Variants in PRKACA observed in about 807,000 individuals in gnomAD.
PRKACA encodes cAMP-dependent protein kinase catalytic subunit alpha.
Under a neutral mutation model 45.8 loss-of-function variants are expected in PRKACA, and 9 were observed. The observed-to-expected ratio is 0.20, with a 90% CI of 0.12 to 0.34. The LOEUF (loss-of-function observed/expected upper bound fraction) is 0.34. Ranked by LOEUF, PRKACA falls within the 10% of genes least tolerant of loss-of-function variation. The pLI, the probability that PRKACA is intolerant of heterozygous loss-of-function variation, is 1.00. For synonymous variants in PRKACA, 160 were observed against 178.6 expected, an observed-to-expected ratio of 0.90 and a Z score of 0.83; for missense variants, 238 against 458.6, an observed-to-expected ratio of 0.52 and a Z score of 4.39.
At chr19:14,108,272 C>T in intron 1 of PRKACA, 1 of 508,106 alleles carries the variant, frequency 2.0e-6, no homozygotes, top group Non-Finnish European at 2.5e-6. Flanking sequence ...CAGTTTTCCT[C>T]ATCTGTAAAG....
rs60082323 is a variant in PRKACA at position 14,096,032 on chromosome 19, G to GTTTT, written c.765+1325_765+1328dup. Among the ~76,000 whole-genome samples, 66 of 92,568 alleles carry GTTTT rather than the reference G, an allele frequency of 7.1e-4. 1 individual carries two copies. Among genetic ancestry groups the GTTTT allele is most frequent in the African/African-American group, 1.8e-3 (40 of 22,200 alleles). 60.7% of individuals were successfully genotyped at this position (92,568 alleles called of 152,430 possible). On this transcript the variant is annotated intron_variant, in intron 8 of 9. Transcript: ENST00000308677. ...CACCATCACGCCCAGCTAATTTTTA[G>GTTTT]TTTTTTTTTTTTTTTTTTTTTTTTG...
intron 4 of PRKACA, 95 bp downstream of exon 4, chr19:14,102,721 G>T: frequency 2.0e-6 from 2 of 1,017,828 alleles, no homozygotes; most frequent in Non-Finnish European, 1.5e-6. Flanking sequence ...AAAGAGAGCA[G>T]CCACTGATTG....
chr19:14,094,824 T>G (rs1977197126), intron 8 of PRKACA, among the ~76,000 whole-genome samples: 1 of 152,256 alleles, frequency 6.6e-6, no homozygotes, highest in South Asian at 2.1e-4. Context: ...TTCCGTTCTT[T>G]AAAGCCCAGC....
intron 4 of PRKACA, among the ~76,000 whole-genome samples, chr19:14,102,146 AGAGT>A (rs1469882333): frequency 5.3e-5 from 8 of 152,234 alleles, no homozygotes; most frequent in African/African-American, 1.9e-4. Flanking sequence ...CCTGAGCAAC[AGAGT>A]GAGACTCTGT....
rs143493866 is a variant in PRKACA at position 14,115,181 on chromosome 19, G to C, written c.46+2321C>G. The C allele has an allele frequency of 7.8e-6, 7 of 902,684 alleles. No individual in the cohort carries two copies. In the African/African-American group the frequency reaches 1.1e-4, roughly 14 times the overall value. 55.9% of individuals were successfully genotyped at this position (902,684 alleles called of 1,614,324 possible). ...TAGTCCCATTGGCAGAACATGACAT[G>C]ATTTTCGGGATGTTTCATTTATCTA... On this transcript the variant is annotated intron_variant, in intron 1 of 9. Transcript: ENST00000308677.
intron 3 of PRKACA, among the ~76,000 whole-genome samples, chr19:14,103,944 C>A (rs1977522018): frequency 6.6e-6 from 1 of 152,088 alleles, no homozygotes. Flanking sequence ...CTGGGCATGG[C>A]ACGACTATGG....
intron 3 of PRKACA, among the ~76,000 whole-genome samples, chr19:14,104,695 CA>C (rs1187253406): frequency 0.037 from 1,976 of 53,238 alleles, 23 homozygotes; most frequent in African/African-American, 0.11. Flanking sequence ...GACTCCATCT[CA>C]AAAAAAAAAA....
At chr19:14,101,061 T>C in intron 4 of PRKACA, 153 bp from the exon 5 acceptor site, 1 of 657,122 alleles carries the variant, frequency 1.5e-6, no homozygotes. Flanking sequence ...GCGACCCTTA[T>C]CCTGCTGTTA....
intron 1 of PRKACA, chr19:14,107,658 C>G (rs534605929): frequency 1.5e-6 from 2 of 1,314,692 alleles, no homozygotes; most frequent in South Asian, 1.7e-5. Flanking sequence ...CGCAGGGGAA[C>G]GGAGGGAGGT....
intron 1 of PRKACA, chr19:14,107,711 C>G (rs567406683): frequency 2.7e-5 from 31 of 1,167,222 alleles, no homozygotes; most frequent in Non-Finnish European, 3.1e-5. Flanking sequence ...CAGTTCTGAC[C>G]GACATTCCAT....
intron 5 of PRKACA, 109 bp downstream of exon 5, chr19:14,100,717 C>T: frequency 9.4e-7 from 1 of 1,059,656 alleles, no homozygotes; most frequent in Admixed American, 1.8e-5. Context: ...GGGAGACCAC[C>T]TGCATGTTGA....
intron 1 of PRKACA, among the ~76,000 whole-genome samples, chr19:14,114,573 G>C (rs990080515): frequency 2.0e-5 from 3 of 151,924 alleles, no homozygotes; most frequent in Non-Finnish European, 4.4e-5. Flanking sequence ...TACTAGCTCT[G>C]CCCCTTCCCC....
intron 5 of PRKACA, chr19:14,098,221 T>G (rs34621768): frequency 8.9e-6 from 2 of 225,110 alleles, no homozygotes; most frequent in South Asian, 7.4e-5. Flanking sequence ...CATGAATGAT[T>G]CCATTTATAT....
At position 14,102,743 on chromosome 19, in the gene PRKACA, G is replaced by A. The variant is rs965512851; in HGVS notation, c.336+73C>T. 2.9e-5 allele frequency: 38 copies of A among 1,327,118 alleles called. No individual in the cohort carries two copies. The South Asian group carries it at 3.0e-4, about 10-fold the overall frequency. 82.2% of individuals were successfully genotyped at this position (1,327,118 alleles called of 1,614,324 possible). ...GCAGCCACTGATTGTCCTCAGCTCC[G>A]ACCCCAGCCCTGGGGGCCAGAAGGC... On this transcript the variant is annotated intron_variant, in intron 4 of 9. Transcript: ENST00000308677.
At chr19:14,113,983 C>A in intron 1 of PRKACA, 1 of 858,306 alleles carries the variant, frequency 1.2e-6, no homozygotes, top group Non-Finnish European at 1.9e-6. Flanking sequence ...GCCGCACAGC[C>A]CGGGGCTGTA....
At chr19:14,103,113 G>A (rs993397672) in intron 3 of PRKACA, among the ~76,000 whole-genome samples, 199 bp from the exon 4 acceptor site, 2 of 152,104 alleles carry the variant, frequency 1.3e-5, no homozygotes, top group East Asian at 1.9e-4. Context: ...GTCCTTGCAC[G>A]GCACTAAGTC....
At chr19:14,115,810 T>A (rs1196847506) in intron 1 of PRKACA, among the ~76,000 whole-genome samples, 3 of 152,128 alleles carry the variant, frequency 2.0e-5, no homozygotes, top group Non-Finnish European at 2.9e-5. Flanking sequence ...TACCGCAATA[T>A]ATAGCTGCCT....
chr19:14,114,245 A>C, intron 1 of PRKACA: 2 of 1,542,090 alleles, frequency 1.3e-6, no homozygotes, highest in Non-Finnish European at 1.8e-6. Flanking sequence ...TGTCCCCAGA[A>C]CCCTGCCTGC....
intron 3 of PRKACA, among the ~76,000 whole-genome samples, chr19:14,104,206 G>C (rs182919358): frequency 6.6e-6 from 1 of 150,864 alleles, no homozygotes; most frequent in African/African-American, 2.4e-5. Context: ...GTGTGGTGGC[G>C]GGCGCCTGTA....
Sources: gnomAD v4.1 joint callset for allele counts (sites outside exome capture counted in the v4.1 genomes callset) on GRCh38, gnomAD v4.1.1 for gene constraint, MANE v1.5 for transcripts, NCBI Gene and HGNC (gene_info 2026-07-23, HGNC 2026-07-21) for gene names.